Variants in TGFBR2 observed in about 807,000 individuals in gnomAD.
The protein encoded by TGFBR2 is TGF-beta receptor type-2.
Under a neutral mutation model 49.0 loss-of-function variants are expected in TGFBR2, and 18 were observed. The ratio of observed to expected loss-of-function variants is 0.37; its 90% confidence interval spans 0.25 to 0.54. TGFBR2 has a LOEUF of 0.54. Ranked by LOEUF, TGFBR2 falls within the 20% of genes least tolerant of loss-of-function variation. The pLI is 0.85. For missense variants in TGFBR2, 525 were observed against 722.6 expected (o/e 0.73, Z 3.13); for synonymous variants, 282 against 275.9 (o/e 1.02, Z -0.22).
rs1699754250 is a variant in TGFBR2 at position 30,693,927 on chromosome 3, G to A, written c.*2328G>A. On this transcript the variant is annotated 3_prime_UTR_variant, in exon 7 of 7. Transcript: ENST00000295754. ...ACTTTTTTCACTACTATACATAAAG[G>A]GAAAGTTTTATTCTTTTATGGAACA... 4.3e-6 allele frequency: 1 copy of A among 230,896 alleles called. No homozygotes were observed. The highest frequency in any genetic ancestry group is 8.6e-6 in the Non-Finnish European group (1 of 116,448). 14.3% of individuals were successfully genotyped at this position (230,896 alleles called of 1,614,324 possible). A position where few individuals can be genotyped will look rare whatever the true frequency, so the allele number is the denominator to read the frequency against.
intron 2 of TGFBR2, among the ~76,000 whole-genome samples, chr3:30,648,271 T>C (rs1045643458): frequency 2.0e-5 from 3 of 152,152 alleles, no homozygotes; most frequent in African/African-American, 7.2e-5. Flanking sequence ...CCGGAGGCTC[T>C]GGAAGAGCTG....
intron 5 of TGFBR2, among the ~76,000 whole-genome samples, chr3:30,683,474 A>G (rs920227566): frequency 1.3e-5 from 2 of 152,220 alleles, no homozygotes; most frequent in Admixed American, 1.3e-4. Context: ...CTGGGCTTTT[A>G]TAAAAAATTG....
chr3:30,685,122 C>G (rs1217786494), intron 5 of TGFBR2, among the ~76,000 whole-genome samples: 1 of 152,192 alleles, frequency 6.6e-6, no homozygotes, highest in African/African-American at 2.4e-5. Context: ...TCTGTCACTT[C>G]TGACCATGAG....
At chr3:30,662,814 A>C (rs1457392533) in intron 3 of TGFBR2, among the ~76,000 whole-genome samples, 1 of 152,182 alleles carries the variant, frequency 6.6e-6, no homozygotes, top group Non-Finnish European at 1.5e-5. Context: ...TTCCACTAAG[A>C]AATTTTTTGT....
At chr3:30,633,974 C>T (rs1021672987) in intron 1 of TGFBR2, among the ~76,000 whole-genome samples, 6 of 152,198 alleles carry the variant, frequency 3.9e-5, no homozygotes, top group African/African-American at 1.4e-4. Flanking sequence ...TATGGTAGTA[C>T]TCTGGCCCTT....
chr3:30,687,299 C>T (rs998027988), intron 5 of TGFBR2, among the ~76,000 whole-genome samples: 5 of 152,214 alleles, frequency 3.3e-5, no homozygotes, highest in African/African-American at 1.2e-4. Flanking sequence ...TCTGTCCCCT[C>T]TGTCTTCCCA....
chr3:30,637,603 A>C (rs1364616115), intron 1 of TGFBR2, among the ~76,000 whole-genome samples: 2 of 152,250 alleles, frequency 1.3e-5, no homozygotes, highest in Non-Finnish European at 2.9e-5. Context: ...GAAGACACCC[A>C]GCCCAAGTAA....
rs764454984 is a variant in TGFBR2 at position 30,644,868 on chromosome 3, C to T, written c.216C>T (p.Ser72=). 3 of 1,614,026 alleles carry T rather than the reference C, an allele frequency of 1.9e-6. No individual in the cohort carries two copies. The highest frequency in any genetic ancestry group is 2.2e-5 in the South Asian group (2 of 91,090). ...AGAAATCCTGCATGAGCAACTGCAG[C>T]ATCACCTCCATCTGTGAGAAGCCAC... ...DNQKSCMSNC[S]ITSICEKPQE... is the part of the protein sequence containing the mutation. Residue 72 remains serine (S), a synonymous_variant, in exon 2 of 7, where the codon AGC becomes AGT. Transcript: ENST00000295754.
chr3:30,631,230 C>T (rs142004879), intron 1 of TGFBR2, among the ~76,000 whole-genome samples: 55 of 151,912 alleles, frequency 3.6e-4, no homozygotes, highest in Non-Finnish European at 6.8e-4. Context: ...TTAGTAGAGA[C>T]GGGGTTTCGC....
At chr3:30,610,022 A>AT (rs1184516676) in intron 1 of TGFBR2, among the ~76,000 whole-genome samples, 3 of 152,064 alleles carry the variant, frequency 2.0e-5, no homozygotes, top group Non-Finnish European at 4.4e-5. Context: ...TGACTTTTTA[A>AT]TTTTTTCAGT....
intron 6 of TGFBR2, among the ~76,000 whole-genome samples, chr3:30,688,805 A>G (rs1380764467): frequency 1.3e-5 from 2 of 152,200 alleles, no homozygotes; most frequent in African/African-American, 4.8e-5. Flanking sequence ...AGCCTCTGCT[A>G]CTTACTCCTG....
chr3:30,626,913 T>A (rs1698341503), intron 1 of TGFBR2: 2 of 152,212 alleles, frequency 1.3e-5, no homozygotes, highest in African/African-American at 4.8e-5. Flanking sequence ...AAAGGAGTTA[T>A]TCAGCAGAAA....
chr3:30,672,040 C>CT lies in TGFBR2; in HGVS notation c.859dup (p.Trp287LeufsTer16). 6.2e-7 allele frequency: 1 copy of CT among 1,614,210 alleles called. No individual in the cohort carries two copies. The highest frequency in any genetic ancestry group is 8.5e-7 in the Non-Finnish European group (1 of 1,180,040). ...ATCTTTCCCTATGAGGAGTATGCCT[C>CT]TTGGAAGACAGAGAAGGACATCTTC... On this transcript the variant is annotated frameshift_variant, in exon 4 of 7. Coordinates refer to ENST00000295754, the MANE Select transcript of TGFBR2 (RefSeq NM_003242.6). LOFTEE classifies it high-confidence loss of function. The surrounding 1 kb of genome is among the most constrained non-coding windows in gnomAD (Gnocchi z 4.5).
intron 2 of TGFBR2, among the ~76,000 whole-genome samples, chr3:30,648,461 C>CACACAT (rs760495841): frequency 1.3e-5 from 1 of 79,202 alleles, no homozygotes; most frequent in African/African-American, 4.4e-5. Flanking sequence ...CACACACACA[C>CACACAT]AAAACTGTGG....
intron 6 of TGFBR2, among the ~76,000 whole-genome samples, chr3:30,691,096 T>A (rs1699701222): frequency 6.6e-6 from 1 of 152,154 alleles, no homozygotes; most frequent in Admixed American, 6.5e-5. Flanking sequence ...ACATGGGGAA[T>A]TTTCAGGTGT....
chr3:30,612,054 T>C (rs1358331057), intron 1 of TGFBR2, among the ~76,000 whole-genome samples: 3 of 152,184 alleles, frequency 2.0e-5, no homozygotes, highest in Non-Finnish European at 4.4e-5. Context: ...ACTTGTTGCT[T>C]GTGACTGAGG....
chr3:30,648,419 T>TACACACACACACACACAC lies in TGFBR2; in HGVS notation c.264-1825_264-1808dup, dbSNP rs35473576. Reference sequence around the variant, plus strand: ...TTTATTACCCAAACCAAAAACAACCTACACACACACACACACACACACACA... The same window carrying TACACACACACACACACAC: ...TTTATTACCCAAACCAAAAACAACCTACACACACACACACACACACACACACACACACACACACACACA... On this transcript the variant is annotated intron_variant, in intron 2 of 6. Transcript: ENST00000295754. 1.4e-3 allele frequency among the ~76,000 whole-genome samples: 161 copies of TACACACACACACACACAC among 115,612 alleles called. 1 individual carries two copies. The highest frequency in any genetic ancestry group is 4.6e-3 in the African/African-American group (148 of 32,398). The allele number at this position is 115,612 out of a possible 152,430, so 75.8% of individuals were successfully genotyped here.
At chr3:30,661,035 C>T (rs868457449) in intron 3 of TGFBR2, among the ~76,000 whole-genome samples, 13 of 152,172 alleles carry the variant, frequency 8.5e-5, no homozygotes, top group Admixed American at 5.2e-4. Context: ...TTTTCCAAAG[C>T]GATCTGGTCT....
At chr3:30,629,344 A>T (rs1185424941) in intron 1 of TGFBR2, among the ~76,000 whole-genome samples, 1 of 152,136 alleles carries the variant, frequency 6.6e-6, no homozygotes, top group Non-Finnish European at 1.5e-5. Flanking sequence ...GTGTCTTGGG[A>T]GAGTTCTCTT....
Sources: gnomAD v4.1 joint callset for allele counts (sites outside exome capture counted in the v4.1 genomes callset) on GRCh38, gnomAD v4.1.1 for gene constraint, Gnocchi (gnomAD v3.1) non-coding constraint, MANE v1.5 for transcripts, NCBI Gene and HGNC (gene_info 2026-07-23, HGNC 2026-07-21) for gene names.